Variants in CAMKK2 observed in about 807,000 individuals in gnomAD.
The protein encoded by CAMKK2 is calcium/calmodulin dependent protein kinase kinase 2.
Under a neutral mutation model 67.2 loss-of-function variants are expected in CAMKK2, and 30 were observed. The observed-to-expected ratio is 0.45, with a 90% CI of 0.33 to 0.61. The LOEUF (loss-of-function observed/expected upper bound fraction) is 0.61. CAMKK2 is among the 20% of genes least tolerant of loss of function. The probability of loss-of-function intolerance (pLI) is 0.02; values close to 1 mark genes in which losing one functional copy is unlikely to be tolerated. For missense variants in CAMKK2, 643 were observed against 802.0 expected (o/e 0.80, Z 2.39); for synonymous variants, 322 against 326.2 (o/e 0.99, Z 0.14).
intron 2 of CAMKK2, among the ~76,000 whole-genome samples, 175 bp downstream of exon 2, chr12:121,273,881 C>A (rs1344777669): frequency 6.6e-6 from 1 of 152,056 alleles, no homozygotes; most frequent in Non-Finnish European, 1.5e-5. Context: ...ATTCACGACC[C>A]CCCTAGGGCC....
At chr12:121,263,642 T>G (rs1330642159) in intron 6 of CAMKK2, among the ~76,000 whole-genome samples, 164 bp downstream of exon 6, 1 of 151,254 alleles carries the variant, frequency 6.6e-6, no homozygotes, top group Non-Finnish European at 1.5e-5. Context: ...AGAGAAAAAA[T>G]AGTTAATGTG....
Position 121,296,088 on chromosome 12 carries a change from G to A in CAMKK2, c.-60+550C>T, listed in dbSNP as rs923399929. ...AAGAGGTGCGGTGGGGGTGGTCAAA[G>A]GGCAGACCGAAGACAGCCAAAGGTC... On this transcript the variant is annotated intron_variant, in intron 1 of 16. Coordinates refer to ENST00000404169, the MANE Select transcript of CAMKK2 (RefSeq NM_001270485.2). The surrounding 1 kb of genome is among the most constrained non-coding windows in gnomAD (Gnocchi z 7.1). 6.6e-6 allele frequency among the ~76,000 whole-genome samples: 1 copy of A among 152,192 alleles called. No homozygotes were observed. Among genetic ancestry groups the A allele is most frequent in the Non-Finnish European group, 1.5e-5 (1 of 68,008 alleles).
intron 1 of CAMKK2, among the ~76,000 whole-genome samples, chr12:121,284,070 CCCTCCCCTCGGCCCACAT>C (rs1390830152): frequency 6.6e-6 from 1 of 152,220 alleles, no homozygotes; most frequent in Non-Finnish European, 1.5e-5. Flanking sequence ...ACGGCCCACG[CCCTCCCCTCGGCCCACAT>C]CTCATGCCCT....
intron 1 of CAMKK2, among the ~76,000 whole-genome samples, chr12:121,280,846 T>C (rs1419873382): frequency 6.6e-6 from 1 of 152,234 alleles, no homozygotes; most frequent in East Asian, 1.9e-4. Context: ...TAAGATGTTA[T>C]CAATGACAAT....
In CAMKK2 at chr12:121,240,507, C is replaced by T. The variant is rs1888144026; in HGVS notation, c.*192G>A. 7 of 1,534,866 alleles carry T rather than the reference C, an allele frequency of 4.6e-6. No individual in the cohort carries two copies. The Admixed American group carries it at 5.9e-5, about 13-fold the overall frequency. On this transcript the variant is annotated 3_prime_UTR_variant, in exon 17 of 17. Transcript: ENST00000404169. The surrounding 1 kb of genome is among the most constrained non-coding windows in gnomAD (Gnocchi z 4.4). ...CCAGCCAGCCAGCGGCCACGGTCGA[C>T]GTCATGGAGTCAAGTCCTTTTTTTT...
intron 2 of CAMKK2, among the ~76,000 whole-genome samples, chr12:121,272,625 G>A (rs1241473630): frequency 6.6e-6 from 1 of 151,508 alleles, no homozygotes; most frequent in African/African-American, 2.4e-5. Context: ...CACTTTGGGA[G>A]GCTGAGGCAG....
intron 9 of CAMKK2, among the ~76,000 whole-genome samples, chr12:121,254,252 G>C (rs1421510629): frequency 4.6e-5 from 7 of 152,182 alleles, no homozygotes; most frequent in African/African-American, 1.7e-4. Context: ...GAGGTCAGGA[G>C]TTCAAGACCA....
upstream of CAMKK2, chr12:121,296,862 C>T (rs1901384798): frequency 6.6e-6 from 1 of 150,682 alleles, no homozygotes; most frequent in Non-Finnish European, 1.5e-5. This position sits in a 1 kb window ranked among gnomAD's most constrained non-coding sequence, Gnocchi z 7.1. Flanking sequence ...GAACCGCCCG[C>T]GCCCGCCGCG....
rs114785607 is a variant in CAMKK2 at position 121,274,257 on chromosome 12, G to A, written c.270C>T (p.Ala90=). 9 of 1,611,398 alleles carry A rather than the reference G, an allele frequency of 5.6e-6. No homozygotes were observed. The highest frequency in any genetic ancestry group is 7.6e-6 in the Non-Finnish European group (9 of 1,178,462). The stretch of plus-strand genomic sequence containing the variant: ...GCTTGCGACCGGAGAGGTGGGGCCG[G>A]GCCTGGGACCCGGAGGTGTCAAGGG... ...EVPLDTSGSQ[A]RPHLSGRKLS... Residue 90 remains alanine (A), a synonymous_variant, in exon 2 of 17, where the codon GCC becomes GCT. Coordinates refer to ENST00000404169, the MANE Select transcript of CAMKK2 (RefSeq NM_001270485.2).
At chr12:121,255,193 TTTATATATATAA>T (rs1404372162) in intron 9 of CAMKK2, among the ~76,000 whole-genome samples, 2 of 86,914 alleles carry the variant, frequency 2.3e-5, no homozygotes, top group East Asian at 2.6e-4. Flanking sequence ...TAAACTCCCC[TTTATATATATAA>T]TTATATATAT....
rs1363636904 is a variant in CAMKK2, at chr12:121,239,365, C to G, written c.*1334G>C. ...CACACTTGAACCTCAACCAAACTTC[C>G]CAATATCAGTTGGAAGTCAAAAAGA... On this transcript the variant is annotated 3_prime_UTR_variant, in exon 17 of 17. Transcript: ENST00000404169. 6.6e-6 allele frequency: 1 copy of G among 152,244 alleles called. No homozygotes were observed. The highest frequency in any genetic ancestry group is 1.9e-4 in the East Asian group (1 of 5,198). The allele number at this position is 152,244 out of a possible 1,614,324, so 9.4% of individuals were successfully genotyped here. A position where few individuals can be genotyped will look rare whatever the true frequency, so the allele number is the denominator to read the frequency against.
In CAMKK2 at chr12:121,255,331, TA is replaced by T. The variant is rs1566059907; in HGVS notation, c.907+218del. Among the ~76,000 whole-genome samples, 8 of 5,480 alleles carry T rather than the reference TA, an allele frequency of 1.5e-3. 2 individuals carry two copies. Among genetic ancestry groups the T allele is most frequent in the Non-Finnish European group, 2.4e-3 (7 of 2,888 alleles). 3.6% of individuals were successfully genotyped at this position (5,480 alleles called of 152,430 possible). On this transcript the variant is annotated intron_variant, in intron 9 of 16. Transcript: ENST00000404169. ...ATATATAATTTTATATATATATAAT[TA>T]TATATAATTTTATATATATAATTAT... is the stretch of plus-strand genomic sequence containing the variant.
At chr12:121,272,883 A>G (rs1896043895) in intron 2 of CAMKK2, among the ~76,000 whole-genome samples, 1 of 151,698 alleles carries the variant, frequency 6.6e-6, no homozygotes, top group Non-Finnish European at 1.5e-5. Context: ...AACAACAACA[A>G]CAAAAAAAAG....
intron 11 of CAMKK2, among the ~76,000 whole-genome samples, chr12:121,251,546 C>T (rs1256643466): frequency 3.9e-5 from 6 of 152,088 alleles, no homozygotes; most frequent in Non-Finnish European, 7.4e-5. Context: ...GAAGGCCAGG[C>T]GTGGTGGCTC....
At chr12:121,247,420 A>G (rs559872645) in intron 14 of CAMKK2, among the ~76,000 whole-genome samples, 2 of 152,290 alleles carry the variant, frequency 1.3e-5, no homozygotes, top group East Asian at 3.9e-4. Flanking sequence ...CCAGGGCCAG[A>G]CGCTTTCTCC....
intron 2 of CAMKK2, among the ~76,000 whole-genome samples, chr12:121,271,232 C>T (rs1011614216): frequency 1.3e-5 from 2 of 150,164 alleles, no homozygotes; most frequent in Non-Finnish European, 2.9e-5. Flanking sequence ...GGAGATTGCA[C>T]CATTGCACTC....
Position 121,253,525 on chromosome 12 carries a change from C to G in CAMKK2, c.908-53G>C, listed in dbSNP as rs1380442671. 4 of 1,462,962 alleles carry G rather than the reference C, an allele frequency of 2.7e-6. No homozygotes were observed. The Admixed American group carries it at 6.7e-5, about 24-fold the overall frequency. 90.6% of individuals were successfully genotyped at this position (1,462,962 alleles called of 1,614,324 possible). On this transcript the variant is annotated intron_variant, in intron 9 of 16. Transcript: ENST00000404169. This position sits in a 1 kb window ranked among gnomAD's most constrained non-coding sequence, Gnocchi z 5.0. ...GATAGGGGCAGGAAAACCTCGTGAG[C>G]ACCTCTATGCGGCCACATGGCCTGG...
chr12:121,248,107 C>T (rs1048800973), intron 14 of CAMKK2, among the ~76,000 whole-genome samples: 6 of 152,154 alleles, frequency 3.9e-5, no homozygotes, highest in African/African-American at 1.4e-4. Context: ...AAATTCAAGG[C>T]CATAAAAGGG....
intron 16 of CAMKK2, among the ~76,000 whole-genome samples, chr12:121,242,817 A>G (rs1593256340): frequency 6.6e-6 from 1 of 151,834 alleles, no homozygotes; most frequent in East Asian, 1.9e-4. Flanking sequence ...ATCTCGGCTC[A>G]CTGCAAGCTC....
Sources: allele counts gnomAD v4.1 joint callset (sites outside exome capture counted in the v4.1 genomes callset), GRCh38; gene constraint gnomAD v4.1.1; non-coding constraint Gnocchi (gnomAD v3.1); transcripts MANE v1.5; gene names NCBI Gene and HGNC (gene_info 2026-07-23, HGNC 2026-07-21).